Variants in MAGI2 observed in about 807,000 individuals in gnomAD.
MAGI2 encodes membrane associated guanylate kinase, WW and PDZ domain containing 2.
MAGI2 carries 35 observed loss-of-function variants against 133.3 expected under a neutral mutation model. The observed-to-expected ratio is 0.26, with a 90% CI of 0.20 to 0.35. The LOEUF is 0.35. Ranked by LOEUF, MAGI2 falls within the 10% of genes least tolerant of loss-of-function variation. The probability of loss-of-function intolerance (pLI) is 1.00; values close to 1 mark genes in which losing one functional copy is unlikely to be tolerated. For synonymous variants in MAGI2, 729 were observed against 710.6 expected (o/e 1.03, Z -0.41); for missense variants, 1,636 against 1,863.4 (o/e 0.88, Z 2.25).
chr7:78,078,013 G>A (rs1438776365), intron 21 of MAGI2: 1 of 151,810 alleles, frequency 6.6e-6, no homozygotes, highest in Admixed American at 6.6e-5. Context: ...ACAGGTGTGA[G>A]CCACTGCGCC....
chr7:78,956,399 A>G (rs1802383609), intron 2 of MAGI2, among the ~76,000 whole-genome samples: 1 of 152,012 alleles, frequency 6.6e-6, no homozygotes, highest in African/African-American at 2.4e-5. Context: ...TGCATATCTC[A>G]TAGGACCTAC....
intron 1 of MAGI2, among the ~76,000 whole-genome samples, chr7:79,373,877 T>C (rs1228659536): frequency 1.3e-5 from 2 of 152,080 alleles, no homozygotes; most frequent in African/African-American, 2.4e-5. Flanking sequence ...TGTTGTGCTG[T>C]TAATTGTAAA....
At chr7:78,581,815 T>C (rs146617182) in intron 3 of MAGI2, among the ~76,000 whole-genome samples, 1 of 151,966 alleles carries the variant, frequency 6.6e-6, no homozygotes, top group Non-Finnish European at 1.5e-5. Flanking sequence ...AAGAGGACTG[T>C]TGTGGAGAGG....
chr7:78,986,550 T>C (rs375951928), intron 2 of MAGI2, among the ~76,000 whole-genome samples: 1 of 151,928 alleles, frequency 6.6e-6, no homozygotes, highest in South Asian at 2.1e-4. Flanking sequence ...AATGGCCTTG[T>C]TGTAGAGATG....
intron 2 of MAGI2, among the ~76,000 whole-genome samples, chr7:78,729,309 T>A (rs1821140993): frequency 6.6e-6 from 1 of 151,940 alleles, no homozygotes; most frequent in African/African-American, 2.4e-5. Flanking sequence ...ACATTAGGGG[T>A]TCAGCAAATT....
chr7:78,887,264 G>C (rs531271831), intron 2 of MAGI2, among the ~76,000 whole-genome samples: 1 of 152,314 alleles, frequency 6.6e-6, no homozygotes, highest in African/African-American at 2.4e-5. Context: ...CAAAGTAAAT[G>C]CCAGCTAGTC....
At chr7:79,013,593 T>G (rs1808398943) in intron 1 of MAGI2, among the ~76,000 whole-genome samples, 1 of 152,218 alleles carries the variant, frequency 6.6e-6, no homozygotes, top group African/African-American at 2.4e-5. Flanking sequence ...GAAAGTTGAT[T>G]GATTCTGCTA....
At chr7:79,416,722 TTTCTTTTTC>T (rs1382672410) in intron 1 of MAGI2, among the ~76,000 whole-genome samples, 2 of 132,030 alleles carry the variant, frequency 1.5e-5, no homozygotes, top group East Asian at 2.2e-4. Context: ...TTCTTTTCTT[TTTCTTTTTC>T]TTTTTTTTTT....
chr7:79,061,552 T>C (rs1000493184), intron 1 of MAGI2, among the ~76,000 whole-genome samples: 1 of 152,042 alleles, frequency 6.6e-6, no homozygotes, highest in Non-Finnish European at 1.5e-5. Context: ...GAAGTTTTTT[T>C]TGAGGCAATA....
At chr7:78,633,296 G>A (rs1370640085) in intron 2 of MAGI2, among the ~76,000 whole-genome samples, 1 of 152,100 alleles carries the variant, frequency 6.6e-6, no homozygotes, top group Non-Finnish European at 1.5e-5. Flanking sequence ...TAACTATTGG[G>A]TACTGGGCTT....
At chr7:78,140,399 G>A (rs372357372) in intron 16 of MAGI2, among the ~76,000 whole-genome samples, 48 of 152,328 alleles carry the variant, frequency 3.2e-4, no homozygotes, top group African/African-American at 1.1e-3. Context: ...ACAAAGTGGA[G>A]TTATATGTGG....
At chr7:79,021,613 A>G (rs111707121) in intron 1 of MAGI2, among the ~76,000 whole-genome samples, 72 of 152,322 alleles carry the variant, frequency 4.7e-4, no homozygotes, top group African/African-American at 1.7e-3. Flanking sequence ...GTGTTTACTC[A>G]ATGCCTATAT....
intron 2 of MAGI2, among the ~76,000 whole-genome samples, chr7:78,712,330 G>A (rs1057173731): frequency 6.6e-6 from 1 of 151,974 alleles, no homozygotes; most frequent in Admixed American, 6.6e-5. Flanking sequence ...GCCACAGCAG[G>A]GTGTCTTCAG....
At chr7:78,644,952 G>A (rs1482415164) in intron 2 of MAGI2, among the ~76,000 whole-genome samples, 1 of 152,092 alleles carries the variant, frequency 6.6e-6, no homozygotes, top group Admixed American at 6.6e-5. Context: ...CAAGTTTGAT[G>A]GATATTAAAA....
At position 78,314,615 on chromosome 7, in the gene MAGI2, A is replaced by C. The variant is rs141719249; in HGVS notation, c.1408+29163T>G. On this transcript the variant is annotated intron_variant, in intron 9 of 21. Transcript: ENST00000354212. Reference sequence around the variant, plus strand: ...AAGAGTGTTAACCAGGGGCATGTGCACACATGGCCCCTGGGGCCTCTGAGT... The same window carrying C: ...AAGAGTGTTAACCAGGGGCATGTGCCCACATGGCCCCTGGGGCCTCTGAGT... Among the ~76,000 whole-genome samples the C allele has an allele frequency of 6.3e-3, 954 of 152,256 alleles. 6 individuals carry two copies. The highest frequency in any genetic ancestry group is 9.8e-3 in the Admixed American group (150 of 15,286).
chr7:78,221,770 A>G (rs924609050), intron 10 of MAGI2, among the ~76,000 whole-genome samples: 4 of 151,734 alleles, frequency 2.6e-5, no homozygotes, highest in African/African-American at 9.7e-5. Flanking sequence ...AGGTGAAAGG[A>G]TCGTTTAAAG....
At chr7:79,452,220 T>A (rs558725205) in intron 1 of MAGI2, among the ~76,000 whole-genome samples, 1 of 152,050 alleles carries the variant, frequency 6.6e-6, no homozygotes, top group African/African-American at 2.4e-5. Context: ...GGACAACCAT[T>A]CATCTCCTCC....
chr7:79,349,655 A>T (rs148328918), intron 1 of MAGI2, among the ~76,000 whole-genome samples: 1 of 152,054 alleles, frequency 6.6e-6, no homozygotes, highest in African/African-American at 2.4e-5. Context: ...AGAAGCATGG[A>T]ATAATCTGCT....
chr7:78,122,535 G>A (rs1450393671), intron 20 of MAGI2, among the ~76,000 whole-genome samples: 1 of 152,124 alleles, frequency 6.6e-6, no homozygotes, highest in Non-Finnish European at 1.5e-5. Context: ...TTATAAATAA[G>A]CTTATGTGAT....
Sources: allele counts gnomAD v4.1 joint callset (sites outside exome capture counted in the v4.1 genomes callset), GRCh38; gene constraint gnomAD v4.1.1; transcripts MANE v1.5; gene names NCBI Gene and HGNC (gene_info 2026-07-23, HGNC 2026-07-21).